SLC39A11: variants seen among roughly 807,000 people sequenced by gnomAD.
The protein encoded by SLC39A11 is zinc transporter ZIP11.
Under a neutral mutation model 36.1 loss-of-function variants are expected in SLC39A11, and 33 were observed. The ratio of observed to expected loss-of-function variants is 0.91; its 90% CI spans 0.69 to 1.22. SLC39A11 has a LOEUF of 1.22. Among genes scored for constraint, SLC39A11 ranks in the 50% most tolerant of loss-of-function variants. The pLI, the probability that SLC39A11 is intolerant of heterozygous loss-of-function variation, is 0.00. For missense variants in SLC39A11, 432 were observed against 430.3 expected, an observed-to-expected ratio of 1.00 and a Z score of -0.03; for synonymous variants, 166 against 170.3, an observed-to-expected ratio of 0.97 and a Z score of 0.20.
chr17:73,084,902 T>C, intron 2 of SLC39A11, 56 bp from the exon 3 acceptor site: 1 of 1,588,754 alleles, frequency 6.3e-7, no homozygotes. Context: ...TGATGTTTCC[T>C]GGGACAAGAA....
At chr17:72,962,994 C>G (rs1224869619) in intron 4 of SLC39A11, among the ~76,000 whole-genome samples, 3 of 152,090 alleles carry the variant, frequency 2.0e-5, no homozygotes, top group Non-Finnish European at 4.4e-5. Context: ...AAGGCCCACT[C>G]TCTCTTTTAA....
chr17:72,943,175 G>C (rs1288492394), intron 5 of SLC39A11, among the ~76,000 whole-genome samples: 4 of 152,192 alleles, frequency 2.6e-5, no homozygotes, highest in Non-Finnish European at 5.9e-5. Flanking sequence ...TCCCGAACAG[G>C]ACAAGCCCTG....
intron 5 of SLC39A11, among the ~76,000 whole-genome samples, chr17:72,850,619 G>A (rs1013616347): frequency 6.6e-6 from 1 of 152,206 alleles, no homozygotes; most frequent in African/African-American, 2.4e-5. Flanking sequence ...CATGCTGCCT[G>A]CTTCCCTTCC....
chr17:72,800,317 T>C (rs986837923), intron 6 of SLC39A11, among the ~76,000 whole-genome samples: 3 of 147,016 alleles, frequency 2.0e-5, no homozygotes, highest in African/African-American at 5.0e-5. Context: ...TTTTTTTTTT[T>C]TTTTTTTTTT....
At chr17:72,981,965 C>T (rs973423914) in intron 4 of SLC39A11, among the ~76,000 whole-genome samples, 4 of 152,022 alleles carry the variant, frequency 2.6e-5, no homozygotes, top group African/African-American at 9.7e-5. Context: ...AGCTGTAGGC[C>T]GGAGCAGTGG....
intron 4 of SLC39A11, among the ~76,000 whole-genome samples, chr17:73,006,505 G>T (rs2090186269): frequency 6.6e-6 from 1 of 152,174 alleles, no homozygotes. Context: ...AGCAGATGCT[G>T]TGTGTGGCTA....
intron 6 of SLC39A11, among the ~76,000 whole-genome samples, chr17:72,781,037 T>C (rs1295361473): frequency 6.6e-6 from 1 of 152,166 alleles, no homozygotes; most frequent in African/African-American, 2.4e-5. Context: ...TTCTTTACAG[T>C]CCACACTCAT....
chr17:72,650,666 G>C (rs886452365), intron 7 of SLC39A11, among the ~76,000 whole-genome samples: 8 of 152,220 alleles, frequency 5.3e-5, no homozygotes, highest in African/African-American at 1.9e-4. Flanking sequence ...AAGCAATGCT[G>C]GTGTGTGGCC....
chr17:73,034,441 C>G (rs1403036256), intron 3 of SLC39A11, among the ~76,000 whole-genome samples: 1 of 152,150 alleles, frequency 6.6e-6, no homozygotes, highest in Non-Finnish European at 1.5e-5. Flanking sequence ...AGGCTGGTCT[C>G]GAACTTCTGA....
At chr17:72,827,428 G>A (rs1488538914) in intron 6 of SLC39A11, among the ~76,000 whole-genome samples, 2 of 152,148 alleles carry the variant, frequency 1.3e-5, no homozygotes, top group Non-Finnish European at 2.9e-5. Context: ...AGTGGTGGTT[G>A]CACAATTTTG....
At chr17:72,848,560 A>C (rs1361290791) in intron 6 of SLC39A11, among the ~76,000 whole-genome samples, 1 of 152,020 alleles carries the variant, frequency 6.6e-6, no homozygotes, top group Non-Finnish European at 1.5e-5. Context: ...TCTCTACTAA[A>C]AATACAAAAA....
chr17:72,783,810 A>C (rs2076404868), intron 6 of SLC39A11, among the ~76,000 whole-genome samples: 1 of 152,170 alleles, frequency 6.6e-6, no homozygotes, highest in East Asian at 1.9e-4. Context: ...GATGGATTGA[A>C]GAATTAAGAG....
intron 4 of SLC39A11, among the ~76,000 whole-genome samples, chr17:72,981,127 A>G (rs2088270254): frequency 6.6e-6 from 1 of 152,216 alleles, no homozygotes; most frequent in Admixed American, 6.5e-5. Context: ...TTGTAATAAC[A>G]TATTTTATTT....
At chr17:72,967,472 A>G (rs2087098050) in intron 4 of SLC39A11, among the ~76,000 whole-genome samples, 1 of 151,600 alleles carries the variant, frequency 6.6e-6, no homozygotes, top group Non-Finnish European at 1.5e-5. Flanking sequence ...CCATCCTAAA[A>G]CCAGCCTCCA....
chr17:72,852,210 A>AAAAAAAAAAAAAG (rs2079377638), intron 5 of SLC39A11, among the ~76,000 whole-genome samples: 1 of 144,630 alleles, frequency 6.9e-6, no homozygotes, highest in South Asian at 2.2e-4. Flanking sequence ...GTCTCAAAAA[A>AAAAAAAAAAAAAG]AAAAAAAAAA....
intron 4 of SLC39A11, among the ~76,000 whole-genome samples, chr17:72,974,791 C>T (rs2087727126): frequency 6.6e-6 from 1 of 152,252 alleles, no homozygotes; most frequent in African/African-American, 2.4e-5. Context: ...TCCAGCCCTG[C>T]AAGCTCCATT....
intron 7 of SLC39A11, among the ~76,000 whole-genome samples, chr17:72,713,555 C>T (rs2073205608): frequency 6.6e-6 from 1 of 152,130 alleles, no homozygotes; most frequent in Non-Finnish European, 1.5e-5. Context: ...TCATCAAACT[C>T]TTCTTCTTCC....
In SLC39A11 at chr17:73,026,778, C is replaced by T. The variant is rs541656785; in HGVS notation, c.306+4778G>A. ...GACACACACACACTACCCTCCTCCC[C>T]ACCCTACCCATCAACCCACCAGGAG... On this transcript the variant is annotated intron_variant, in intron 4 of 9. Coordinates refer to ENST00000255559, the MANE Select transcript of SLC39A11 (RefSeq NM_139177.4). 2.9e-4 allele frequency among the ~76,000 whole-genome samples: 44 copies of T among 152,138 alleles called. 1 individual carries two copies. The highest frequency in any genetic ancestry group is 1.0e-3 in the African/African-American group (42 of 41,518).
At chr17:73,038,468 G>A (rs764325674) in intron 3 of SLC39A11, among the ~76,000 whole-genome samples, 2 of 151,160 alleles carry the variant, frequency 1.3e-5, no homozygotes, top group East Asian at 2.0e-4. Flanking sequence ...AGAAGCCTAG[G>A]TGGGCGGATC....
Sources: allele counts gnomAD v4.1 joint callset (sites outside exome capture counted in the v4.1 genomes callset), GRCh38; gene constraint gnomAD v4.1.1; transcripts MANE v1.5; gene names NCBI Gene and HGNC (gene_info 2026-07-23, HGNC 2026-07-21).